The following FCHSD2 variants were observed in gnomAD, a reference collection of about 807,000 sequenced individuals.
FCHSD2 encodes FCH and double SH3 domains 2.
A neutral mutation model predicts 108.1 loss-of-function variants in FCHSD2; 38 were observed. The observed-to-expected ratio is 0.35, with a 90% CI of 0.27 to 0.46. The LOEUF is 0.46. Among genes scored for constraint, FCHSD2 ranks in the 20% least tolerant of loss-of-function variants. The pLI is 1.00. For missense variants in FCHSD2, 751 were observed against 897.8 expected (o/e 0.84, Z 2.09); for synonymous variants, 279 against 314.7 (o/e 0.89, Z 1.20).
At chr11:73,055,139 GA>G (rs1858995188) in intron 3 of FCHSD2, among the ~76,000 whole-genome samples, 1 of 152,012 alleles carries the variant, frequency 6.6e-6, no homozygotes, top group South Asian at 2.1e-4. Context: ...ATCAGATCTC[GA>G]AAGAACTCAC....
At chr11:72,998,846 T>C (rs146810894) in intron 5 of FCHSD2, among the ~76,000 whole-genome samples, 219 of 152,286 alleles carry the variant, frequency 1.4e-3, no homozygotes, top group Non-Finnish European at 2.3e-3. Flanking sequence ...TGTAGAGAAA[T>C]TGGAGCCCTT....
chr11:73,130,915 CT>C (rs1860981670), intron 2 of FCHSD2, among the ~76,000 whole-genome samples: 1 of 152,090 alleles, frequency 6.6e-6, no homozygotes, highest in Non-Finnish European at 1.5e-5. Flanking sequence ...CCTACTTGAT[CT>C]TTTTTTCTTG....
Position 72,843,542 on chromosome 11 carries a change from A to G in FCHSD2, c.1444-10T>C, listed in dbSNP as rs1861031356. ...CATCTGGTTGAGAAGCCTGCAGTGT[A>G]GGATGGTCATGGACAAAATTAAAAA... is the stretch of plus-strand genomic sequence containing the variant. On this transcript the variant is annotated splice_polypyrimidine_tract_variant and intron_variant, in intron 14 of 19. Coordinates refer to ENST00000409418, the MANE Select transcript of FCHSD2 (RefSeq NM_014824.3). 1 of 1,607,820 alleles carries G rather than the reference A, an allele frequency of 6.2e-7. No homozygotes were observed.
At chr11:72,898,551 G>A (rs758520918) in intron 10 of FCHSD2, among the ~76,000 whole-genome samples, 17 of 152,108 alleles carry the variant, frequency 1.1e-4, no homozygotes, top group Admixed American at 5.9e-4. Context: ...TCTTACCTGA[G>A]TATATAGTTC....
chr11:73,120,763 A>G (rs1032637714), intron 2 of FCHSD2, among the ~76,000 whole-genome samples: 9 of 152,030 alleles, frequency 5.9e-5, no homozygotes, highest in Non-Finnish European at 1.0e-4. Context: ...AAATTAAAAA[A>G]AGAAACATAT....
chr11:73,124,643 C>A (rs1297301904), intron 2 of FCHSD2, among the ~76,000 whole-genome samples: 1 of 152,038 alleles, frequency 6.6e-6, no homozygotes, highest in Admixed American at 6.5e-5. Flanking sequence ...CTAATCCCAG[C>A]TACTCAGGAG....
intron 2 of FCHSD2, among the ~76,000 whole-genome samples, chr11:73,097,009 TTTTTTTTG>T (rs1252634829): frequency 2.5e-5 from 3 of 118,316 alleles, no homozygotes; most frequent in African/African-American, 6.7e-5. Flanking sequence ...TTTTTTTTTT[TTTTTTTTG>T]ATGAGACAGG....
At chr11:72,931,305 C>A (rs1191232329) in intron 8 of FCHSD2, among the ~76,000 whole-genome samples, 1 of 143,266 alleles carries the variant, frequency 7.0e-6, no homozygotes, top group Non-Finnish European at 1.5e-5. Flanking sequence ...TGAGGTTTCA[C>A]CATGTTGGTC....
chr11:73,068,813 T>TAAAAAAAAAAAA (rs1237723120), intron 3 of FCHSD2, among the ~76,000 whole-genome samples: 1 of 83,026 alleles, frequency 1.2e-5, no homozygotes, highest in Admixed American at 1.5e-4. Context: ...CTACAAAAAG[T>TAAAAAAAAAAAA]AAAAAAAAAA....
At chr11:73,016,275 C>G (rs1283258627) in intron 3 of FCHSD2, among the ~76,000 whole-genome samples, 1 of 151,306 alleles carries the variant, frequency 6.6e-6, no homozygotes, top group South Asian at 2.1e-4. Flanking sequence ...AGCACTCCAG[C>G]CTGGGTGACA....
intron 3 of FCHSD2, among the ~76,000 whole-genome samples, chr11:73,058,398 C>A (rs1191790631): frequency 1.3e-5 from 2 of 152,050 alleles, no homozygotes; most frequent in African/African-American, 2.4e-5. Flanking sequence ...GGCTAGATGT[C>A]ATCACAATTT....
chr11:73,013,435 T>G (rs567640456), intron 4 of FCHSD2, among the ~76,000 whole-genome samples: 1 of 152,356 alleles, frequency 6.6e-6, no homozygotes, highest in East Asian at 1.9e-4. Flanking sequence ...ATCTCCTGTA[T>G]GCTTACAAAG....
chr11:73,067,053 T>C (rs999382871), intron 3 of FCHSD2, among the ~76,000 whole-genome samples: 1 of 152,204 alleles, frequency 6.6e-6, no homozygotes, highest in Non-Finnish European at 1.5e-5. Context: ...ATTCCGGCAC[T>C]ATTCACAATA....
In FCHSD2 at chr11:72,887,553, G is replaced by C. The variant is rs1565306579; in HGVS notation, c.1063C>G (p.His355Asp). ...CTTTGTTCTGATACAGCAGCTCCAT[G>C]ACACTCCAGATCATTTAGAACCTAT... ...QQRVLNDLECHGAAVSEQSRA... is the reference protein window; with the variant it reads ...QQRVLNDLECDGAAVSEQSRA... Residue 355 changes from histidine (H) to aspartate (D), a missense_variant, in exon 12 of 20, where the codon CAT becomes GAT. Transcript: ENST00000409418. 3.1e-6 allele frequency: 5 copies of C among 1,589,532 alleles called. No individual in the cohort carries two copies. Among genetic ancestry groups the C allele is most frequent in the African/African-American group, 2.7e-5 (2 of 73,424 alleles).
chr11:72,841,340 C>A (rs1408541454), intron 18 of FCHSD2, 114 bp downstream of exon 18: 15 of 373,874 alleles, frequency 4.0e-5, no homozygotes, highest in African/African-American at 2.4e-4. Context: ...ACTCTGTCTC[C>A]AAAAAAAAAA....
At position 72,849,826 on chromosome 11, in the gene FCHSD2, C is replaced by A. The variant is rs1246677075; in HGVS notation, c.1372G>T (p.Asp458Tyr). 1 of 1,612,516 alleles carries A rather than the reference C, an allele frequency of 6.2e-7. No homozygotes were observed. The highest frequency in any genetic ancestry group is 1.1e-5 in the South Asian group (1 of 91,048). ...GTGCCAGAAGGGCTGGAACTGCTGT[C>A]ATCGAAAACATCCATGTTATCTTCA... Reference protein sequence around the residue: ...EFEDNMDVFDDSSSSPSGTLR... With the variant: ...EFEDNMDVFDYSSSSPSGTLR... Residue 458 changes from aspartate to tyrosine, a missense_variant, in exon 14 of 20, where the codon GAC (aspartate) becomes TAC (tyrosine). Coordinates refer to ENST00000409418, the MANE Select transcript of FCHSD2 (RefSeq NM_014824.3).
chr11:73,100,667 T>C (rs956488559), intron 2 of FCHSD2, among the ~76,000 whole-genome samples: 3 of 152,092 alleles, frequency 2.0e-5, no homozygotes, highest in Non-Finnish European at 4.4e-5. Flanking sequence ...TCGGCCTACA[T>C]ACATTTTATC....
At chr11:73,059,758 C>T (rs1183085173) in intron 3 of FCHSD2, among the ~76,000 whole-genome samples, 1 of 151,880 alleles carries the variant, frequency 6.6e-6, no homozygotes, top group Non-Finnish European at 1.5e-5. Context: ...TGAACACTTC[C>T]AGAATTCTGG....
chr11:72,962,117 G>A (rs1358832434), intron 8 of FCHSD2, among the ~76,000 whole-genome samples: 1 of 152,122 alleles, frequency 6.6e-6, no homozygotes, highest in Non-Finnish European at 1.5e-5. Context: ...GTATATGGCA[G>A]AGGTTCTCAA....
Sources: gnomAD v4.1 joint callset for allele counts (sites outside exome capture counted in the v4.1 genomes callset) on GRCh38, gnomAD v4.1.1 for gene constraint, MANE v1.5 for transcripts, NCBI Gene and HGNC (gene_info 2026-07-23, HGNC 2026-07-21) for gene names.